ARHGAP24: variants seen among roughly 807,000 people sequenced by gnomAD.
ARHGAP24 encodes the protein Rho GTPase activating protein 24, also known as rho GTPase-activating protein 24.
Under a neutral mutation model 76.4 loss-of-function variants are expected in ARHGAP24, and 50 were observed. The observed-to-expected ratio is 0.65, with a 90% CI of 0.52 to 0.83. The LOEUF (loss-of-function observed/expected upper bound fraction) is 0.83. ARHGAP24 is among the 40% of genes least tolerant of loss of function. ARHGAP24 has a pLI of 0.00. For missense variants in ARHGAP24, 930 were observed against 914.2 expected, an observed-to-expected ratio of 1.02 and a Z score of -0.22; for synonymous variants, 345 against 323.3, an observed-to-expected ratio of 1.07 and a Z score of -0.72.
At chr4:85,955,133 A>G (rs1338589075) in intron 5 of ARHGAP24, among the ~76,000 whole-genome samples, 1 of 152,204 alleles carries the variant, frequency 6.6e-6, no homozygotes, top group Non-Finnish European at 1.5e-5. Context: ...CCCAGAGCCC[A>G]GATCTCTTTC....
chr4:85,812,005 G>A (rs566172571), intron 3 of ARHGAP24, among the ~76,000 whole-genome samples: 5 of 152,068 alleles, frequency 3.3e-5, no homozygotes, highest in Middle Eastern at 3.4e-3. Context: ...GTGAAACCCC[G>A]TCTCTACTAA....
intron 7 of ARHGAP24, among the ~76,000 whole-genome samples, chr4:85,976,574 C>G (rs1220218989): frequency 6.6e-6 from 1 of 151,992 alleles, no homozygotes; most frequent in Admixed American, 6.6e-5. Flanking sequence ...CTCATCAGTA[C>G]AATTAGCAAG....
chr4:85,514,322 G>C (rs1008107671), intron 1 of ARHGAP24, among the ~76,000 whole-genome samples: 7 of 152,088 alleles, frequency 4.6e-5, no homozygotes, highest in Admixed American at 4.6e-4. Context: ...GCCTTTGCAT[G>C]CCTTCACTAT....
intron 5 of ARHGAP24, 84 bp downstream of exon 5, chr4:85,942,357 C>T: frequency 7.0e-7 from 1 of 1,435,602 alleles, no homozygotes; most frequent in Non-Finnish European, 9.8e-7. Flanking sequence ...GAGGCATAAC[C>T]TTGATTGATG....
intron 4 of ARHGAP24, among the ~76,000 whole-genome samples, chr4:85,939,027 C>T (rs922147556): frequency 6.6e-6 from 1 of 152,112 alleles, no homozygotes; most frequent in South Asian, 2.1e-4. Flanking sequence ...CCCACCGCCT[C>T]GAACAAGCCT....
chr4:85,909,366 T>G (rs1734944890), intron 3 of ARHGAP24, among the ~76,000 whole-genome samples: 1 of 152,160 alleles, frequency 6.6e-6, no homozygotes, highest in African/African-American at 2.4e-5. Context: ...TCAGATAAGA[T>G]TAAGAAAGAC....
At chr4:85,886,126 G>A (rs1322369960) in intron 3 of ARHGAP24, among the ~76,000 whole-genome samples, 2 of 152,080 alleles carry the variant, frequency 1.3e-5, no homozygotes, top group Non-Finnish European at 2.9e-5. Context: ...GAACTCAAAA[G>A]TAATTCATTA....
chr4:85,851,043 G>A lies in ARHGAP24; in HGVS notation c.269-72605G>A, dbSNP rs373731626. The stretch of plus-strand genomic sequence containing the variant: ...CTCGTTGATCTGTTTAATATTGACA[G>A]TGGGGTGTTAAAGTCTCCCATTATT... On this transcript the variant is annotated intron_variant, in intron 3 of 9. Transcript: ENST00000395184. Among the ~76,000 whole-genome samples, 8 of 152,278 alleles carry A rather than the reference G, an allele frequency of 5.3e-5. No individual in the cohort carries two copies. In the East Asian group the frequency reaches 7.7e-4, roughly 15 times the overall value.
intron 3 of ARHGAP24, among the ~76,000 whole-genome samples, chr4:85,784,206 T>A (rs548163399): frequency 6.6e-6 from 1 of 152,282 alleles, no homozygotes; most frequent in Admixed American, 6.5e-5. Context: ...CTATACTGTT[T>A]ACCCTCATGC....
At chr4:85,555,460 G>T (rs922230019) in intron 1 of ARHGAP24, among the ~76,000 whole-genome samples, 1 of 152,214 alleles carries the variant, frequency 6.6e-6, no homozygotes, top group Admixed American at 6.5e-5. Context: ...TGATCAAGTA[G>T]GTGGTGCTTA....
chr4:85,888,255 G>A (rs1733681050), intron 3 of ARHGAP24, among the ~76,000 whole-genome samples: 1 of 151,942 alleles, frequency 6.6e-6, no homozygotes, highest in Non-Finnish European at 1.5e-5. Context: ...ACAAAAATTA[G>A]CCGGACGTGG....
intron 3 of ARHGAP24, chr4:85,723,235 C>T (rs1363698512): frequency 2.6e-5 from 4 of 152,166 alleles, no homozygotes; most frequent in African/African-American, 4.8e-5. Context: ...TTTAAATCAG[C>T]GTGGTATTGA....
At chr4:85,854,629 G>T (rs564064435) in intron 3 of ARHGAP24, among the ~76,000 whole-genome samples, 8 of 151,818 alleles carry the variant, frequency 5.3e-5, no homozygotes, top group Non-Finnish European at 1.2e-4. Flanking sequence ...TTTCTTTAGC[G>T]TGGAAAGCCC....
chr4:85,964,865 G>A (rs1560750586), intron 5 of ARHGAP24, among the ~76,000 whole-genome samples: 1 of 150,870 alleles, frequency 6.6e-6, no homozygotes, highest in Non-Finnish European at 1.5e-5. Flanking sequence ...GTGTATACGT[G>A]TGTGTGTGTG....
chr4:85,810,559 A>G (rs1431141210), intron 3 of ARHGAP24, among the ~76,000 whole-genome samples: 2 of 152,144 alleles, frequency 1.3e-5, no homozygotes, highest in African/African-American at 4.8e-5. Flanking sequence ...TTACTTTTCT[A>G]GACTCCCTTT....
chr4:85,523,195 A>C lies in ARHGAP24; in HGVS notation c.-20-47327A>C, dbSNP rs983063866. Reference sequence around the variant, plus strand: ...AGGCTTCTACTATTTAAGGATGCTTACTACATGTCTAGCACTTTCCCTTGT... The same window carrying C: ...AGGCTTCTACTATTTAAGGATGCTTCCTACATGTCTAGCACTTTCCCTTGT... On this transcript the variant is annotated intron_variant, in intron 1 of 9. Transcript: ENST00000395184. Among the ~76,000 whole-genome samples the C allele has an allele frequency of 3.9e-5, 6 of 152,338 alleles. No homozygotes were observed. In the East Asian group the frequency reaches 1.2e-3, roughly 29 times the overall value.
intron 3 of ARHGAP24, among the ~76,000 whole-genome samples, chr4:85,844,425 G>T (rs1409100709): frequency 2.0e-5 from 3 of 152,108 alleles, no homozygotes; most frequent in Admixed American, 6.6e-5. Flanking sequence ...GTTAATTTAG[G>T]CCACTTTGTG....
At chr4:85,877,700 AC>A (rs1455672247) in intron 3 of ARHGAP24, among the ~76,000 whole-genome samples, 4 of 142,124 alleles carry the variant, frequency 2.8e-5, no homozygotes, top group African/African-American at 1.0e-4. Context: ...TTAAGTAGAG[AC>A]AAACTATTCT....
At position 85,876,151 on chromosome 4, in the gene ARHGAP24, A is replaced by T. The variant is rs1732923939; in HGVS notation, c.269-47497A>T. Among the ~76,000 whole-genome samples, 2 of 152,310 alleles carry T rather than the reference A, an allele frequency of 1.3e-5. 1 individual carries two copies. The highest frequency in any genetic ancestry group is 4.1e-4 in the South Asian group (2 of 4,828). Reference sequence around the variant, plus strand: ...AAGCTATTTCACAAAGGCAGAATATACATGCTGTACAATGTATACACACTC... The same window carrying T: ...AAGCTATTTCACAAAGGCAGAATATTCATGCTGTACAATGTATACACACTC... On this transcript the variant is annotated intron_variant, in intron 3 of 9. Transcript: ENST00000395184.
Sources: gnomAD v4.1 joint callset for allele counts (sites outside exome capture counted in the v4.1 genomes callset) on GRCh38, gnomAD v4.1.1 for gene constraint, MANE v1.5 for transcripts, NCBI Gene and HGNC (gene_info 2026-07-23, HGNC 2026-07-21) for gene names.